DBX1: variants seen among roughly 807,000 people sequenced by gnomAD.
DBX1 encodes the protein homeobox protein DBX1.
A neutral mutation model predicts 20.8 loss-of-function variants in DBX1; 10 were observed. That is an observed-to-expected ratio of 0.48 (90% CI 0.30 to 0.82). The LOEUF is 0.82. Ranked by LOEUF, DBX1 falls within the 40% of genes least tolerant of loss-of-function variation. DBX1 has a pLI of 0.07. For missense variants in DBX1, 505 were observed against 468.8 expected, an observed-to-expected ratio of 1.08 and a Z score of -0.71; for synonymous variants, 241 against 213.9, an observed-to-expected ratio of 1.13 and a Z score of -1.11.
At chr11:20,157,611 T>C (rs1658747151) in intron 2 of DBX1, among the ~76,000 whole-genome samples, 1 of 152,244 alleles carries the variant, frequency 6.6e-6, no homozygotes, top group South Asian at 2.1e-4. Context: ...GCCACTGTGT[T>C]TCTCCCCTAA....
intron 1 of DBX1, among the ~76,000 whole-genome samples, chr11:20,159,527 A>AATCTCC (rs2063677262): frequency 1.3e-5 from 2 of 152,152 alleles, no homozygotes; most frequent in African/African-American, 2.4e-5. Flanking sequence ...ACTCTACCCC[A>AATCTCC]ATCTCCATCC....
chr11:20,160,272 C>T lies in DBX1; in HGVS notation c.53G>A (p.Arg18Gln), dbSNP rs1016503265. 7.1e-6 allele frequency: 11 copies of T among 1,540,080 alleles called. No homozygotes were observed. The highest frequency in any genetic ancestry group is 3.9e-5 in the Admixed American group (2 of 50,688). The part of the protein sequence containing the change: ...APPAGYPSLL[R>Q]PTPTLTLPQS... Reference sequence around the variant, plus strand: ...GGGCAGCGTCAAGGTGGGCGTGGGCCGCAGGAGGCTAGGGTACCCGGCGGG... The same window carrying T: ...GGGCAGCGTCAAGGTGGGCGTGGGCTGCAGGAGGCTAGGGTACCCGGCGGG... The change falls in exon 1 of 4, where the codon CGG (arginine) becomes CAG (glutamine). Residue 18 changes from arginine to glutamine, a missense_variant. Transcript: ENST00000524983.
rs1482779561 is a variant in DBX1 at position 20,160,215 on chromosome 11, G to C, written c.110C>G (p.Ser37Cys). The C allele has an allele frequency of 6.5e-7, 1 of 1,547,252 alleles. No individual in the cohort carries two copies. The highest frequency in any genetic ancestry group is 2.0e-5 in the Admixed American group (1 of 50,984). Residue 37 changes from serine (S) to cysteine (C), a missense_variant, in exon 1 of 4, where the codon TCC (serine) becomes TGC (cysteine). Coordinates refer to ENST00000524983, the MANE Select transcript of DBX1 (RefSeq NM_001029865.4). ...QSLQSAFSGHSSFLVEDLIRI... is the reference protein window; with the variant it reads ...QSLQSAFSGHCSFLVEDLIRI... ...GATCAGATCCTCCACCAGGAAGCTG[G>C]AGTGGCCGGAAAATGCCGACTGCAA...
At chr11:20,158,362 T>A (rs957797178) in intron 2 of DBX1, among the ~76,000 whole-genome samples, 17 of 152,128 alleles carry the variant, frequency 1.1e-4, no homozygotes, top group Non-Finnish European at 7.4e-5. Flanking sequence ...CATACCCAGT[T>A]TTTCTTCTCT....
intron 1 of DBX1, among the ~76,000 whole-genome samples, chr11:20,159,608 A>G (rs2063677579): frequency 6.9e-6 from 1 of 144,150 alleles, no homozygotes; most frequent in Admixed American, 7.0e-5. Context: ...CTAATCCAAT[A>G]AATATATCAT....
rs1464031243 is a variant in DBX1, at chr11:20,156,732, T to G, written c.673-159A>C. Reference sequence around the variant, plus strand: ...AAATGAGTTCCGGTGGATTCCCGCATTGACTCCGCCCCCGCCTCAGCTCGC... The same window carrying G: ...AAATGAGTTCCGGTGGATTCCCGCAGTGACTCCGCCCCCGCCTCAGCTCGC... On this transcript the variant is annotated intron_variant, in intron 3 of 3. Coordinates refer to ENST00000524983, the MANE Select transcript of DBX1 (RefSeq NM_001029865.4). The surrounding 1 kb of genome is among the most constrained non-coding windows in gnomAD (Gnocchi z 4.8). 1 of 1,149,264 alleles carries G rather than the reference T, an allele frequency of 8.7e-7. No homozygotes were observed. The highest frequency in any genetic ancestry group is 1.3e-6 in the Non-Finnish European group (1 of 771,768). 71.2% of individuals were successfully genotyped at this position (1,149,264 alleles called of 1,614,324 possible).
chr11:20,156,648 G>A lies in DBX1; in HGVS notation c.673-75C>T, dbSNP rs763432625. 19 of 1,603,432 alleles carry A rather than the reference G, an allele frequency of 1.2e-5. No individual in the cohort carries two copies. The East Asian group carries it at 4.2e-4, about 36-fold the overall frequency. The stretch of plus-strand genomic sequence containing the variant: ...GGGGCTCCGGGGGACGCACGGGGGC[G>A]GGGAGTGGAGTCGGGTGCAGGCTCT... On this transcript the variant is annotated intron_variant, in intron 3 of 3. Coordinates refer to ENST00000524983, the MANE Select transcript of DBX1 (RefSeq NM_001029865.4). The surrounding 1 kb of genome is among the most constrained non-coding windows in gnomAD (Gnocchi z 4.8).
At chr11:20,157,397 A>C (rs549430237) in intron 2 of DBX1, among the ~76,000 whole-genome samples, 158 bp from the exon 3 acceptor site, 1 of 152,352 alleles carries the variant, frequency 6.6e-6, no homozygotes, top group South Asian at 2.1e-4. Flanking sequence ...GCGAGAGTGA[A>C]AGGCGCTTTC....
chr11:20,159,277 A>G lies in DBX1; in HGVS notation c.383T>C (p.Leu128Ser). The stretch of plus-strand genomic sequence containing the variant: ...GGTCTTGGGAGGGACGCTCTGGAGC[A>G]AGGCTGGGGATGTTTCTGGTGGGCG... Reference protein sequence around the residue: ...SGPRTETSPALLQSVPPKTFA... With the variant: ...SGPRTETSPASLQSVPPKTFA... Residue 128 changes from leucine (L) to serine (S), a missense_variant, in exon 2 of 4, where the codon TTG becomes TCG. Leu to Ser is a moderately radical substitution (Grantham distance 145, BLOSUM62 -2). Transcript: ENST00000524983. 1 of 1,613,476 alleles carries G rather than the reference A, an allele frequency of 6.2e-7. No homozygotes were observed. Among genetic ancestry groups the G allele is most frequent in the Non-Finnish European group, 8.5e-7 (1 of 1,179,614 alleles).
At position 20,159,369 on chromosome 11, in the gene DBX1, G is replaced by A. The variant is rs2063676566; in HGVS notation, c.368-77C>T. ...TGATTACGTACTTGCCTATTGTATA[G>A]CACACTGAACACACGATATAATTAG... On this transcript the variant is annotated intron_variant, in intron 1 of 3. Transcript: ENST00000524983. 10 of 948,222 alleles carry A rather than the reference G, an allele frequency of 1.1e-5. 1 individual carries two copies. In the Admixed American group the frequency reaches 1.8e-4, roughly 17 times the overall value. 58.7% of individuals were successfully genotyped at this position (948,222 alleles called of 1,614,324 possible).
In DBX1 at chr11:20,160,465, G is replaced by C; in HGVS notation, c.-141C>G. 1.7e-6 allele frequency: 2 copies of C among 1,151,372 alleles called. No individual in the cohort carries two copies. Among genetic ancestry groups the C allele is most frequent in the Non-Finnish European group, 2.3e-6 (2 of 863,038 alleles). 71.3% of individuals were successfully genotyped at this position (1,151,372 alleles called of 1,614,324 possible). On this transcript the variant is annotated 5_prime_UTR_variant, in exon 1 of 4. Coordinates refer to ENST00000524983, the MANE Select transcript of DBX1 (RefSeq NM_001029865.4). ...AAGTAACAATCCCACTTGGGCGTCT[G>C]CGAGTCCTCCGTGGTCCTCTCGTCG...
At chr11:20,158,573 G>A (rs1045257893) in intron 2 of DBX1, among the ~76,000 whole-genome samples, 8 of 151,192 alleles carry the variant, frequency 5.3e-5, no homozygotes, top group African/African-American at 1.7e-4. Flanking sequence ...TATAATACAG[G>A]GTGGGAAAGG....
Position 20,160,261 on chromosome 11 carries a change from TG to T in DBX1, c.63del (p.Thr22ProfsTer2). On this transcript the variant is annotated frameshift_variant, in exon 1 of 4. Transcript: ENST00000524983. LOFTEE classifies it high-confidence loss of function. ...AGYPSLLRPT[P>X]TLTLPQSLQS... is the part of the protein sequence containing the mutation. ...TGCAAGGACTGGGGCAGCGTCAAGGTGGGCGTGGGCCGCAGGAGGCTAGGGT... is the reference window on the plus strand; with the variant it reads ...TGCAAGGACTGGGGCAGCGTCAAGGTGGCGTGGGCCGCAGGAGGCTAGGGT... The T allele has an allele frequency of 6.5e-7, 1 of 1,541,680 alleles. No homozygotes were observed. Among genetic ancestry groups the T allele is most frequent in the Non-Finnish European group, 8.7e-7 (1 of 1,145,126 alleles).
Position 20,156,373 on chromosome 11 carries a change from G to A in DBX1, c.873C>T (p.Tyr291=), listed in dbSNP as rs774541847. ...GPGSPSHRLA[Y]HASSDPQHLR... is the part of the protein sequence containing the mutation. ...GGTGCTGGGGGTCGGAGGACGCGTG[G>A]TAGGCCAGGCGGTGGCTGGGGCTGC... is the stretch of plus-strand genomic sequence containing the variant. Residue 291 remains tyrosine, a synonymous_variant, in exon 4 of 4, where the codon TAC becomes TAT. Transcript: ENST00000524983. The surrounding 1 kb of genome is among the most constrained non-coding windows in gnomAD (Gnocchi z 4.8). The A allele has an allele frequency of 4.4e-6, 7 of 1,607,896 alleles. No homozygotes were observed. The highest frequency in any genetic ancestry group is 6.0e-6 in the Non-Finnish European group (7 of 1,176,014).
chr11:20,159,081 A>G lies in DBX1; in HGVS notation c.469+110T>C, dbSNP rs139751615. 4.0e-3 allele frequency: 3,087 copies of G among 768,430 alleles called. 32 individuals are homozygous for G. The highest frequency in any genetic ancestry group is 3.2e-3 in the Non-Finnish European group (1,424 of 449,580). 47.6% of individuals were successfully genotyped at this position (768,430 alleles called of 1,614,324 possible). On this transcript the variant is annotated intron_variant, in intron 2 of 3. Coordinates refer to ENST00000524983, the MANE Select transcript of DBX1 (RefSeq NM_001029865.4). ...TTATACGCCTCGCAACCTCTGAACCAGAGCATAACCCCGAGGGGTGGACGG... is the reference window on the plus strand; with the variant it reads ...TTATACGCCTCGCAACCTCTGAACCGGAGCATAACCCCGAGGGGTGGACGG...
chr11:20,156,740 G>T lies in DBX1; in HGVS notation c.673-167C>A. 1.8e-6 allele frequency: 2 copies of T among 1,108,196 alleles called. No individual in the cohort carries two copies. Among genetic ancestry groups the T allele is most frequent in the South Asian group, 1.3e-5 (1 of 78,176 alleles). 68.6% of individuals were successfully genotyped at this position (1,108,196 alleles called of 1,614,324 possible). On this transcript the variant is annotated intron_variant, in intron 3 of 3. Coordinates refer to ENST00000524983, the MANE Select transcript of DBX1 (RefSeq NM_001029865.4). The surrounding 1 kb of genome is among the most constrained non-coding windows in gnomAD (Gnocchi z 4.8). ...TCCGGTGGATTCCCGCATTGACTCCGCCCCCGCCTCAGCTCGCGGTTCCGT... is the reference window on the plus strand; with the variant it reads ...TCCGGTGGATTCCCGCATTGACTCCTCCCCCGCCTCAGCTCGCGGTTCCGT...
chr11:20,157,668 G>T (rs572242228), intron 2 of DBX1, among the ~76,000 whole-genome samples: 13 of 152,230 alleles, frequency 8.5e-5, no homozygotes, highest in Admixed American at 3.9e-4. Flanking sequence ...TGAAAATGAG[G>T]TGCTTTACTA....
At chr11:20,159,351 G>C (rs559393788) in intron 1 of DBX1, 59 bp from the exon 2 acceptor site, 2 of 1,168,624 alleles carry the variant, frequency 1.7e-6, no homozygotes, top group East Asian at 2.3e-5. Context: ...ATCTGATTAC[G>C]TACTTGCCTA....
rs1337496761 is a variant in DBX1, at chr11:20,156,442, C to T, written c.804G>A (p.Val268=). ...CTTCGTTCCCAGGGCCCTTCTGGCCCACGTCGCTGAGGTCCGGGTGCGGAT... is the reference window on the plus strand; with the variant it reads ...CTTCGTTCCCAGGGCCCTTCTGGCCTACGTCGCTGAGGTCCGGGTGCGGAT... ...KLNPHPDLSD[V]GQKGPGNEEE... The change falls in exon 4 of 4, where the codon GTG becomes GTA. Residue 268 remains valine, a synonymous_variant. Transcript: ENST00000524983. This position sits in a 1 kb window ranked among gnomAD's most constrained non-coding sequence, Gnocchi z 4.8. The T allele has an allele frequency of 6.2e-7, 1 of 1,609,794 alleles. No individual in the cohort carries two copies. The highest frequency in any genetic ancestry group is 2.2e-5 in the East Asian group (1 of 44,826).
Sources: allele counts gnomAD v4.1 joint callset (sites outside exome capture counted in the v4.1 genomes callset), GRCh38; gene constraint gnomAD v4.1.1; non-coding constraint Gnocchi (gnomAD v3.1); transcripts MANE v1.5; gene names NCBI Gene and HGNC (gene_info 2026-07-23, HGNC 2026-07-21).